CTNNA2: variants seen among roughly 807,000 people sequenced by gnomAD.
CTNNA2 encodes the protein catenin alpha-2.
CTNNA2 carries 42 observed loss-of-function variants against 101.0 expected under a neutral mutation model. That is an observed-to-expected ratio of 0.42 (90% CI 0.32 to 0.54). The LOEUF is 0.54. Among genes scored for constraint, CTNNA2 ranks in the 20% least tolerant of loss-of-function variants. CTNNA2 has a pLI of 0.14. For synonymous variants in CTNNA2, 450 were observed against 456.4 expected, an observed-to-expected ratio of 0.99 and a Z score of 0.18; for missense variants, 871 against 1,223.1, an observed-to-expected ratio of 0.71 and a Z score of 4.29.
chr2:79,530,744 A>G (rs1460635397), intron 1 of CTNNA2, among the ~76,000 whole-genome samples: 1 of 152,108 alleles, frequency 6.6e-6, no homozygotes. Context: ...GTGAAACAGA[A>G]ATTAGATGTT....
At chr2:80,294,081 A>G (rs562896039) in intron 7 of CTNNA2, among the ~76,000 whole-genome samples, 1 of 152,274 alleles carries the variant, frequency 6.6e-6, no homozygotes, top group East Asian at 1.9e-4. Context: ...TAATGACACA[A>G]CCAATCAGAG....
At chr2:79,666,138 T>C (rs1682400397) in intron 2 of CTNNA2, among the ~76,000 whole-genome samples, 1 of 152,338 alleles carries the variant, frequency 6.6e-6, no homozygotes, top group East Asian at 1.9e-4. Context: ...TCAGGATATT[T>C]TAGTGACTTT....
chr2:80,582,812 G>A (rs1352407995), intron 14 of CTNNA2, among the ~76,000 whole-genome samples: 1 of 152,032 alleles, frequency 6.6e-6, no homozygotes, highest in Non-Finnish European at 1.5e-5. Context: ...ATAGAAATTG[G>A]GAAACGCCAG....
chr2:80,579,831 C>T (rs1299358461), intron 13 of CTNNA2, among the ~76,000 whole-genome samples: 3 of 152,214 alleles, frequency 2.0e-5, no homozygotes, highest in Non-Finnish European at 4.4e-5. Context: ...TGATTAATTA[C>T]ACTGTGGTAG....
intron 4 of CTNNA2, among the ~76,000 whole-genome samples, chr2:79,860,546 G>GTTTTTTTTTTTTTTTTTT (rs56929879): frequency 7.5e-5 from 8 of 107,192 alleles, no homozygotes; most frequent in African/African-American, 3.0e-4. Context: ...AGTAAGGGAA[G>GTTTTTTTTTTTTTTTTTT]TTTTTTTTTT....
intron 9 of CTNNA2, among the ~76,000 whole-genome samples, chr2:80,524,015 C>A (rs145256023): frequency 2.6e-5 from 4 of 152,044 alleles, no homozygotes; most frequent in Non-Finnish European, 5.9e-5. Flanking sequence ...TTGCTCTTGG[C>A]GCTGAGGAGT....
At chr2:79,395,963 G>A (rs763408631) in intron 4 of CTNNA2, among the ~76,000 whole-genome samples, 10 of 152,154 alleles carry the variant, frequency 6.6e-5, no homozygotes, top group Non-Finnish European at 1.5e-4. Context: ...CTTAACCATA[G>A]CCATTAATGT....
intron 1 of CTNNA2, among the ~76,000 whole-genome samples, chr2:79,556,793 A>G (rs1296653505): frequency 6.6e-6 from 1 of 151,988 alleles, no homozygotes; most frequent in African/African-American, 2.4e-5. Context: ...TTAAATTTGG[A>G]GCTGGTAAAG....
chr2:80,039,390 G>A (rs978434886), intron 7 of CTNNA2, among the ~76,000 whole-genome samples: 1 of 152,142 alleles, frequency 6.6e-6, no homozygotes, highest in African/African-American at 2.4e-5. Context: ...TGGAGCCCAC[G>A]GGCAGTTACT....
chr2:79,249,239 T>C (rs1279289860), intron 2 of CTNNA2, among the ~76,000 whole-genome samples: 1 of 151,172 alleles, frequency 6.6e-6, no homozygotes, highest in African/African-American at 2.4e-5. Context: ...ATCATCATAT[T>C]TTTTCATCAA....
chr2:80,611,587 A>G (rs1028524585), intron 17 of CTNNA2, among the ~76,000 whole-genome samples: 1 of 151,592 alleles, frequency 6.6e-6, no homozygotes, highest in Non-Finnish European at 1.5e-5. Flanking sequence ...TAGGTTTCAC[A>G]GGGTTTAATC....
At chr2:79,645,825 T>C (rs189507375) in intron 1 of CTNNA2, among the ~76,000 whole-genome samples, 39 of 152,364 alleles carry the variant, frequency 2.6e-4, no homozygotes, top group Non-Finnish European at 1.8e-4. Context: ...TTAGGTAATA[T>C]AACTGACTCA....
At chr2:80,522,595 C>G (rs1370067689) in intron 9 of CTNNA2, among the ~76,000 whole-genome samples, 1 of 151,986 alleles carries the variant, frequency 6.6e-6, no homozygotes, top group Admixed American at 6.6e-5. Context: ...GAATTGTAAT[C>G]CCCAGTGTTG....
intron 6 of CTNNA2, among the ~76,000 whole-genome samples, chr2:79,907,012 A>C (rs1685470997): frequency 6.6e-6 from 1 of 152,184 alleles, no homozygotes; most frequent in Admixed American, 6.5e-5. Flanking sequence ...TACTGCAGAG[A>C]AACTGTTTTA....
At chr2:80,144,236 G>A (rs979487733) in intron 7 of CTNNA2, among the ~76,000 whole-genome samples, 6 of 152,090 alleles carry the variant, frequency 3.9e-5, no homozygotes, top group African/African-American at 9.7e-5. Context: ...AAAATTTTAC[G>A]TCCTAAGCAA....
intron 8 of CTNNA2, among the ~76,000 whole-genome samples, chr2:80,417,097 C>T (rs2149402978): frequency 6.6e-6 from 1 of 151,904 alleles, no homozygotes; most frequent in South Asian, 2.1e-4. Flanking sequence ...TTCTCAGGTA[C>T]ATGATACATT....
intron 3 of CTNNA2, among the ~76,000 whole-genome samples, chr2:79,854,320 A>G (rs903776700): frequency 4.6e-5 from 7 of 152,232 alleles, no homozygotes; most frequent in Non-Finnish European, 7.3e-5. Flanking sequence ...GTATTAATGA[A>G]TAATGATCAC....
chr2:80,056,173 C>T (rs1045258516), intron 7 of CTNNA2, among the ~76,000 whole-genome samples: 4 of 152,232 alleles, frequency 2.6e-5, no homozygotes, highest in Non-Finnish European at 5.9e-5. Flanking sequence ...ATGAATGCTT[C>T]GTCTCTAGCC....
intron 7 of CTNNA2, among the ~76,000 whole-genome samples, chr2:80,020,993 C>CTCT (rs1694517992): frequency 1.1e-5 from 1 of 89,352 alleles, no homozygotes; most frequent in African/African-American, 4.9e-5. Context: ...GACCAATCAT[C>CTCT]TTTTTTTTTT....
Sources: allele counts gnomAD v4.1 joint callset (sites outside exome capture counted in the v4.1 genomes callset), GRCh38; gene constraint gnomAD v4.1.1; transcripts MANE v1.5; gene names NCBI Gene and HGNC (gene_info 2026-07-23, HGNC 2026-07-21).